The following ZNF605 variants were observed in gnomAD, a reference collection of about 807,000 sequenced individuals.
ZNF605 encodes the protein zinc finger protein 605.
ZNF605 carries 9 observed loss-of-function variants against 7.9 expected under a neutral mutation model. That is an observed-to-expected ratio of 1.14 (90% CI 0.68 to 1.98). The LOEUF is 1.98. Ranked by LOEUF, ZNF605 falls within the 30% of genes most tolerant of loss-of-function variation. The pLI, the probability that ZNF605 is intolerant of heterozygous loss-of-function variation, is 0.00. For synonymous variants in ZNF605, 255 were observed against 260.1 expected, an observed-to-expected ratio of 0.98 and a Z score of 0.19; for missense variants, 673 against 762.4, an observed-to-expected ratio of 0.88 and a Z score of 1.38.
chr12:132,926,511 C>G lies in ZNF605; in HGVS notation c.788G>C (p.Ser263Thr). The stretch of plus-strand genomic sequence containing the variant: ...ATGTCTTTTAAGCTGCGACTTCCTA[C>G]TGAAGGCTTTTCCACATTCACTGCA... ...YGCSECGKAF[S>T]RKSQLKRHQI... Residue 263 changes from serine (S) to threonine (T), a missense_variant, in exon 5 of 5, where the codon AGT becomes ACT. By Grantham distance (58) the Ser-to-Thr change is moderately conservative. Transcript: ENST00000360187. 6.2e-7 allele frequency: 1 copy of G among 1,614,110 alleles called. No homozygotes were observed.
intron 3 of ZNF605, among the ~76,000 whole-genome samples, chr12:132,934,960 G>A (rs1467641427): frequency 2.6e-5 from 4 of 152,158 alleles, no homozygotes; most frequent in African/African-American, 4.8e-5. Context: ...AGGGGGATGA[G>A]GAAAAGGACA....
chr12:132,950,294 A>C (rs1000447676), intron 1 of ZNF605, among the ~76,000 whole-genome samples: 1 of 152,046 alleles, frequency 6.6e-6, no homozygotes, highest in Admixed American at 6.6e-5. Flanking sequence ...CCCCTTCAGA[A>C]TCCTGAGTAT....
intron 1 of ZNF605, among the ~76,000 whole-genome samples, chr12:132,950,219 C>T (rs1489009285): frequency 2.0e-5 from 3 of 152,118 alleles, no homozygotes; most frequent in South Asian, 2.1e-4. Flanking sequence ...GGACCTCCTC[C>T]GGCTGCTTCT....
chr12:132,938,585 G>A (rs1278491), intron 3 of ZNF605, among the ~76,000 whole-genome samples: 67,842 of 152,088 alleles, frequency 0.45, 16,799 homozygotes, highest in Non-Finnish European at 0.56. Context: ...AGGTGACAGC[G>A]TGCTGGCAGT....
rs372327447 is a variant in ZNF605 at position 132,951,880 on chromosome 12, TACAC to T, written c.-285-3614_-285-3611del. 9.4e-3 allele frequency among the ~76,000 whole-genome samples: 1,365 copies of T among 145,884 alleles called. 18 individuals carry two copies. The highest frequency in any genetic ancestry group is 0.036 in the African/African-American group (1,296 of 36,362). ...CACTATACTCACACTCATACACACA[TACAC>T]ACTCATACACACATCACACACATTC... On this transcript the variant is annotated intron_variant, in intron 1 of 4. Transcript: ENST00000360187.
chr12:132,938,872 G>C (rs374184561), intron 3 of ZNF605, among the ~76,000 whole-genome samples: 7 of 152,144 alleles, frequency 4.6e-5, no homozygotes, highest in Admixed American at 2.0e-4. Flanking sequence ...TGCTGGCCCC[G>C]GGCAATGGGG....
chr12:132,945,453 A>G, intron 3 of ZNF605, 168 bp downstream of exon 3: 1 of 689,344 alleles, frequency 1.5e-6, no homozygotes, highest in Admixed American at 2.1e-5. Context: ...TTTTCATGAA[A>G]CAGAGGATAA....
intron 3 of ZNF605, among the ~76,000 whole-genome samples, chr12:132,940,668 T>C (rs889049145): frequency 2.6e-5 from 4 of 152,176 alleles, no homozygotes; most frequent in African/African-American, 9.7e-5. Context: ...TCCCTGGCCA[T>C]TGGATCAGGC....
At chr12:132,930,109 C>T (rs1202807255) in intron 4 of ZNF605, among the ~76,000 whole-genome samples, 3 of 152,222 alleles carry the variant, frequency 2.0e-5, no homozygotes, top group Admixed American at 6.5e-5. Context: ...TACCTCACTG[C>T]AGCTGCAAAC....
chr12:132,950,136 C>G (rs2137162483), intron 1 of ZNF605, among the ~76,000 whole-genome samples: 1 of 152,072 alleles, frequency 6.6e-6, no homozygotes, highest in South Asian at 2.1e-4. Context: ...ACCTGGGGTC[C>G]CTGAGATCAA....
intron 2 of ZNF605, among the ~76,000 whole-genome samples, chr12:132,947,303 C>G (rs1952504229): frequency 6.7e-6 from 1 of 149,006 alleles, no homozygotes; most frequent in Non-Finnish European, 1.5e-5. Flanking sequence ...GTGTGAGCCA[C>G]CACGCCCGGC....
intron 3 of ZNF605, among the ~76,000 whole-genome samples, chr12:132,938,137 C>CAG (rs1424592679): frequency 3.9e-5 from 6 of 151,920 alleles, no homozygotes; most frequent in African/African-American, 1.5e-4. Flanking sequence ...CCTGCCACTA[C>CAG]GCCCGGCTAA....
Position 132,942,097 on chromosome 12 carries a change from C to A in ZNF605, c.15+3524G>T, listed in dbSNP as rs1323669900. ...TTGTATACAACCTTTCCAGACAGCA[C>A]GTATGAATGAAAACAGGAGACATTT... On this transcript the variant is annotated intron_variant, in intron 3 of 4. Transcript: ENST00000360187. 2.6e-5 allele frequency among the ~76,000 whole-genome samples: 4 copies of A among 152,102 alleles called. No individual in the cohort carries two copies. In the South Asian group the frequency reaches 8.3e-4, roughly 32 times the overall value.
chr12:132,926,312 C>T lies in ZNF605; in HGVS notation c.987G>A (p.Arg329=), dbSNP rs1167298169. 13 of 1,613,878 alleles carry T rather than the reference C, an allele frequency of 8.1e-6. No individual in the cohort carries two copies. Among genetic ancestry groups the T allele is most frequent in the African/African-American group, 1.3e-5 (1 of 74,848 alleles). The part of the protein sequence containing the change: ...FWKSQLITHQ[R]THTGKKPYGC... ...CGTAAGGTTTCTTCCCTGTGTGGGT[C>T]CTCTGATGAGTAATCAGCTGCGACT... Residue 329 remains arginine (R), a synonymous_variant, in exon 5 of 5, where the codon AGG becomes AGA. Transcript: ENST00000360187.
intron 4 of ZNF605, among the ~76,000 whole-genome samples, chr12:132,927,893 G>A (rs1952264752): frequency 6.6e-6 from 1 of 152,056 alleles, no homozygotes; most frequent in African/African-American, 2.4e-5. Flanking sequence ...CTGACCTCAT[G>A]ATCCACCTGC....
chr12:132,952,034 T>C (rs1952578199), intron 1 of ZNF605, among the ~76,000 whole-genome samples: 1 of 152,064 alleles, frequency 6.6e-6, no homozygotes, highest in Admixed American at 6.6e-5. Context: ...ATTTGCTGAA[T>C]TCCTATTACA....
chr12:132,942,610 G>A (rs1029824540), intron 3 of ZNF605, among the ~76,000 whole-genome samples: 5 of 152,200 alleles, frequency 3.3e-5, no homozygotes, highest in African/African-American at 1.2e-4. Context: ...AACCTGAGGC[G>A]TGCGTGCCCG....
At chr12:132,946,055 T>C (rs1032775172) in intron 2 of ZNF605, among the ~76,000 whole-genome samples, 6 of 152,202 alleles carry the variant, frequency 3.9e-5, no homozygotes, top group Admixed American at 6.5e-5. Flanking sequence ...AAATGCCAGA[T>C]GGAAACCACT....
rs901144705 is a variant in ZNF605 at position 132,941,719 on chromosome 12, T to G, written c.15+3902A>C. On this transcript the variant is annotated intron_variant, in intron 3 of 4. Coordinates refer to ENST00000360187, the MANE Select transcript of ZNF605 (RefSeq NM_183238.4). The surrounding 1 kb of genome is among the most constrained non-coding windows in gnomAD (Gnocchi z 5.1). ...CACGCAGCCGTTCCCCGCAGGGCAC[T>G]TCCCACGGGTACCTCCAGGCTGCCC... is the stretch of plus-strand genomic sequence containing the variant. Among the ~76,000 whole-genome samples the G allele has an allele frequency of 6.2e-3, 941 of 152,288 alleles. 9 individuals carry two copies. Among genetic ancestry groups the G allele is most frequent in the African/African-American group, 0.021 (875 of 41,572 alleles).
Sources: gnomAD v4.1 joint callset for allele counts (sites outside exome capture counted in the v4.1 genomes callset) on GRCh38, gnomAD v4.1.1 for gene constraint, Gnocchi (gnomAD v3.1) non-coding constraint, MANE v1.5 for transcripts, NCBI Gene and HGNC (gene_info 2026-07-23, HGNC 2026-07-21) for gene names.